The following CEMIP variants were observed in gnomAD, a reference collection of about 807,000 sequenced individuals.
The protein encoded by CEMIP is cell migration inducing hyaluronidase 1.
A neutral mutation model predicts 156.9 loss-of-function variants in CEMIP; 105 were observed. That is an observed-to-expected ratio of 0.67 (90% CI 0.57 to 0.79). The LOEUF (loss-of-function observed/expected upper bound fraction) is 0.79. Among genes scored for constraint, CEMIP ranks in the 30% least tolerant of loss-of-function variants. The probability of loss-of-function intolerance (pLI) is 0.00; values close to 1 mark genes in which losing one functional copy is unlikely to be tolerated. For synonymous variants in CEMIP, 676 were observed against 668.4 expected, an observed-to-expected ratio of 1.01 and a Z score of -0.17; for missense variants, 1,457 against 1,769.4, an observed-to-expected ratio of 0.82 and a Z score of 3.17.
intron 1 of CEMIP, among the ~76,000 whole-genome samples, chr15:80,805,759 A>G (rs1449613255): frequency 6.6e-6 from 1 of 152,228 alleles, no homozygotes; most frequent in Non-Finnish European, 1.5e-5. Context: ...TTGCTTACAT[A>G]AACTTGATAT....
chr15:80,894,873 A>T, intron 10 of CEMIP, 117 bp from the exon 11 acceptor site: 1 of 1,238,456 alleles, frequency 8.1e-7, no homozygotes, highest in Non-Finnish European at 1.2e-6. Context: ...CGTTGTAAAT[A>T]GTGTTGCAGC....
chr15:80,875,749 C>T (rs1457366744), intron 3 of CEMIP, among the ~76,000 whole-genome samples: 1 of 152,158 alleles, frequency 6.6e-6, no homozygotes, highest in African/African-American at 2.4e-5. Context: ...AGGGTGGTTT[C>T]CATGGTGATA....
At chr15:80,804,306 G>T (rs1288942141) in intron 1 of CEMIP, among the ~76,000 whole-genome samples, 2 of 152,208 alleles carry the variant, frequency 1.3e-5, no homozygotes, top group African/African-American at 4.8e-5. Context: ...GAAAACAATG[G>T]CTTTTCAGTG....
At chr15:80,886,679 C>G (rs1036208378) in intron 7 of CEMIP, among the ~76,000 whole-genome samples, 1 of 152,120 alleles carries the variant, frequency 6.6e-6, no homozygotes, top group African/African-American at 2.4e-5. Context: ...GACATGGGAG[C>G]CTTCATAAGG....
At chr15:80,847,090 T>C (rs1897580295) in intron 1 of CEMIP, among the ~76,000 whole-genome samples, 3 of 152,210 alleles carry the variant, frequency 2.0e-5, no homozygotes, top group African/African-American at 7.2e-5. Flanking sequence ...CCACGCAGGC[T>C]GGAGTGCAGT....
At chr15:80,801,499 T>C (rs1896377257) in intron 1 of CEMIP, among the ~76,000 whole-genome samples, 1 of 152,246 alleles carries the variant, frequency 6.6e-6, no homozygotes, top group African/African-American at 2.4e-5. Context: ...TCTGGAGGCC[T>C]GGATCTCAAA....
chr15:80,886,087 G>A (rs1898827326), intron 7 of CEMIP, among the ~76,000 whole-genome samples: 1 of 152,200 alleles, frequency 6.6e-6, no homozygotes, highest in African/African-American at 2.4e-5. Context: ...GAACTCTTGG[G>A]GGAAGGCAGG....
At chr15:80,821,938 G>T (rs1896919079) in intron 1 of CEMIP, among the ~76,000 whole-genome samples, 2 of 152,242 alleles carry the variant, frequency 1.3e-5, no homozygotes, top group Non-Finnish European at 1.5e-5. Context: ...GAAGGCTGTT[G>T]TTTGCCATTG....
Position 80,949,850 on chromosome 15 carries a change from G to C in CEMIP, c.*926G>C, listed in dbSNP as rs1901741136. 6.6e-6 allele frequency: 1 copy of C among 152,328 alleles called. No individual in the cohort carries two copies. The highest frequency in any genetic ancestry group is 2.4e-5 in the African/African-American group (1 of 41,440). 9.4% of individuals were successfully genotyped at this position (152,328 alleles called of 1,614,324 possible). On this transcript the variant is annotated 3_prime_UTR_variant, in exon 30 of 30. Transcript: ENST00000394685. ...AATGAAGGCTGGGGGCATTTTGCTG[G>C]GGGGAGATGAGGCAGCCTCTGGAAT... is the stretch of plus-strand genomic sequence containing the variant.
chr15:80,900,343 C>T (rs1026267104), intron 12 of CEMIP, among the ~76,000 whole-genome samples: 4 of 152,276 alleles, frequency 2.6e-5, no homozygotes, highest in Non-Finnish European at 5.9e-5. Flanking sequence ...CAGCTCCAGG[C>T]CCCGAGTACC....
chr15:80,790,258 G>A (rs902462351), intron 1 of CEMIP, among the ~76,000 whole-genome samples: 17 of 152,300 alleles, frequency 1.1e-4, no homozygotes, highest in Middle Eastern at 3.4e-3. Flanking sequence ...TGAGTCCTGC[G>A]TCTGAACACC....
At chr15:80,843,557 C>T (rs1343458654) in intron 1 of CEMIP, among the ~76,000 whole-genome samples, 1 of 152,218 alleles carries the variant, frequency 6.6e-6, no homozygotes, top group Non-Finnish European at 1.5e-5. Flanking sequence ...CCTTCACCCA[C>T]CCACATCAGT....
At chr15:80,790,981 G>T (rs1257521817) in intron 1 of CEMIP, among the ~76,000 whole-genome samples, 2 of 152,128 alleles carry the variant, frequency 1.3e-5, no homozygotes, top group African/African-American at 4.8e-5. Flanking sequence ...CTACTTTGCT[G>T]GGGAAAGAGA....
At chr15:80,924,526 G>A (rs1046653606) in intron 17 of CEMIP, 95 bp from the exon 18 acceptor site, 55 of 1,064,900 alleles carry the variant, frequency 5.2e-5, no homozygotes, top group South Asian at 2.5e-4. Context: ...TGGTTTTCCC[G>A]GAGCATTCAG....
intron 9 of CEMIP, 134 bp from the exon 10 acceptor site, chr15:80,889,337 G>T (rs926316853): frequency 8.0e-7 from 1 of 1,243,782 alleles, no homozygotes; most frequent in East Asian, 2.3e-5. Context: ...AGCCATCCAT[G>T]CCCCAGCCTG....
intron 1 of CEMIP, among the ~76,000 whole-genome samples, chr15:80,855,258 A>G (rs895442760): frequency 2.0e-5 from 3 of 152,206 alleles, no homozygotes; most frequent in Non-Finnish European, 4.4e-5. Flanking sequence ...TATGGAACAC[A>G]TGCTTACCTC....
chr15:80,794,322 C>A (rs1896160393), intron 1 of CEMIP, among the ~76,000 whole-genome samples: 1 of 152,130 alleles, frequency 6.6e-6, no homozygotes, highest in African/African-American at 2.4e-5. Flanking sequence ...CTCATTCACT[C>A]ATTTATTCCC....
At chr15:80,867,798 G>A (rs2141788927) in intron 1 of CEMIP, among the ~76,000 whole-genome samples, 1 of 152,312 alleles carries the variant, frequency 6.6e-6, no homozygotes, top group South Asian at 2.1e-4. Flanking sequence ...CAGGTGACCA[G>A]AGAGATGCAT....
intron 19 of CEMIP, 68 bp from the exon 20 acceptor site, chr15:80,928,834 T>C (rs1596199370): frequency 1.9e-6 from 3 of 1,598,728 alleles, no homozygotes; most frequent in East Asian, 4.5e-5. Context: ...GAAGTGTCCT[T>C]CTCTCCACGA....
Sources: gnomAD v4.1 joint callset for allele counts (sites outside exome capture counted in the v4.1 genomes callset) on GRCh38, gnomAD v4.1.1 for gene constraint, MANE v1.5 for transcripts, NCBI Gene and HGNC (gene_info 2026-07-23, HGNC 2026-07-21) for gene names.